The following CNKSR2 variants were observed in gnomAD, a reference collection of about 807,000 sequenced individuals.
CNKSR2 encodes the protein connector enhancer of kinase suppressor of Ras 2.
Under a neutral mutation model 84.4 loss-of-function variants are expected in CNKSR2, and 14 were observed. The ratio of observed to expected loss-of-function variants is 0.17; its 90% CI spans 0.11 to 0.26. The LOEUF is 0.26. Among genes scored for constraint, CNKSR2 ranks in the 10% least tolerant of loss-of-function variants. CNKSR2 has a pLI of 1.00. For missense variants in CNKSR2, 485 were observed against 771.2 expected, an observed-to-expected ratio of 0.63 and a Z score of 4.40; for synonymous variants, 275 against 277.9, an observed-to-expected ratio of 0.99 and a Z score of 0.10.
chrX:21,528,802 A>G (rs1402285437), intron 10 of CNKSR2, among the ~76,000 whole-genome samples: 2 of 110,939 alleles, frequency 1.8e-5, no homozygotes, highest in Non-Finnish European at 1.9e-5. Flanking sequence ...TTTGAGTCAA[A>G]TTATTACTTA....
At chrX:21,505,041 A>G (rs887887724) in intron 8 of CNKSR2, 6 of 258,593 alleles carry the variant, frequency 2.3e-5, no homozygotes, top group Admixed American at 6.6e-5. Flanking sequence ...TGCCCTCATG[A>G]TGCACTTTTA....
chrX:21,446,904 T>C (rs937083072), intron 4 of CNKSR2, among the ~76,000 whole-genome samples: 1 of 111,568 alleles, frequency 9.0e-6, no homozygotes, highest in South Asian at 3.7e-4. Flanking sequence ...AGAATAATAA[T>C]AAATACTCAT....
chrX:21,568,851 G>A (rs190650951), intron 13 of CNKSR2, among the ~76,000 whole-genome samples: 37 of 111,086 alleles, frequency 3.3e-4, no homozygotes, highest in Admixed American at 3.3e-3. Flanking sequence ...TTGCACTCTG[G>A]CTCTTAGCAT....
intron 18 of CNKSR2, among the ~76,000 whole-genome samples, chrX:21,602,224 A>G (rs2092487047): frequency 9.0e-6 from 1 of 111,278 alleles, no homozygotes; most frequent in Admixed American, 9.6e-5. Context: ...GACTCACTGC[A>G]GCCTCGACCT....
At chrX:21,401,479 C>T (rs1036093246) in intron 1 of CNKSR2, among the ~76,000 whole-genome samples, 18 of 111,482 alleles carry the variant, frequency 1.6e-4, no homozygotes, top group Non-Finnish European at 3.0e-4. Context: ...CTTCTGGGTT[C>T]GTGGCACATC....
At chrX:21,490,368 T>G in intron 5 of CNKSR2, 91 bp from the exon 6 acceptor site, 1 of 917,431 alleles carries the variant, frequency 1.1e-6, no homozygotes, top group Non-Finnish European at 1.5e-6. Flanking sequence ...TACTGTTTAT[T>G]TTTCCTTATG....
chrX:21,376,842 C>T (rs1360032485), intron 1 of CNKSR2, among the ~76,000 whole-genome samples: 1 of 111,747 alleles, frequency 8.9e-6, no homozygotes, highest in Non-Finnish European at 1.9e-5. Flanking sequence ...GTCTCCACCT[C>T]CCACCCTCCC....
chrX:21,482,630 T>C (rs183937503), intron 5 of CNKSR2, among the ~76,000 whole-genome samples: 1 of 112,184 alleles, frequency 8.9e-6, no homozygotes, highest in African/African-American at 3.2e-5. Flanking sequence ...CATAATAGGC[T>C]GTTAGGGGTC....
At chrX:21,626,315 G>C (rs2092623679) in intron 20 of CNKSR2, among the ~76,000 whole-genome samples, 1 of 107,812 alleles carries the variant, frequency 9.3e-6, no homozygotes, top group Admixed American at 1.0e-4. Context: ...ATAATTTAGA[G>C]AAATATGGTA....
At position 21,469,547 on chromosome X, in the gene CNKSR2, G is replaced by GT. The variant is rs200468535; in HGVS notation, c.520-1209dup. 7.5e-3 allele frequency among the ~76,000 whole-genome samples: 748 copies of GT among 99,454 alleles called. 4 individuals are homozygous for GT. Among genetic ancestry groups the GT allele is most frequent in the East Asian group, 0.029 (93 of 3,249 alleles). The allele number at this position is 99,454 out of a possible 115,157, so 86.4% of individuals were successfully genotyped here. On this transcript the variant is annotated intron_variant, in intron 4 of 21. Transcript: ENST00000379510. ...TATTCAGTACTGTGGAAATGGGTTT[G>GT]TTTTTTTTTTCAAAATTATCCAAAT...
At chrX:21,437,030 A>G (rs766006109) in intron 3 of CNKSR2, among the ~76,000 whole-genome samples, 92 of 112,076 alleles carry the variant, frequency 8.2e-4, no homozygotes, top group Non-Finnish European at 1.6e-3. Context: ...GTATGTGTTT[A>G]GATTTTTCTT....
intron 4 of CNKSR2, among the ~76,000 whole-genome samples, chrX:21,458,235 A>T (rs1194769811): frequency 1.8e-5 from 2 of 112,753 alleles, no homozygotes; most frequent in Admixed American, 1.9e-4. Context: ...AGTAAATTCG[A>T]TTCCTCATTT....
chrX:21,575,267 T>A (rs1384956692), intron 13 of CNKSR2, among the ~76,000 whole-genome samples: 1 of 111,358 alleles, frequency 9.0e-6, no homozygotes, highest in Non-Finnish European at 1.9e-5. Context: ...CACTTGTACT[T>A]CCTCACTTAT....
chrX:21,481,325 T>C (rs2091317345), intron 5 of CNKSR2, among the ~76,000 whole-genome samples: 1 of 112,004 alleles, frequency 8.9e-6, no homozygotes. Flanking sequence ...CTGAGGCTTT[T>C]AATCACTATA....
chrX:21,632,144 T>C (rs1413339135), intron 20 of CNKSR2, among the ~76,000 whole-genome samples: 1 of 111,782 alleles, frequency 8.9e-6, no homozygotes, highest in Non-Finnish European at 1.9e-5. Context: ...AACCCACCCT[T>C]CTTAGCAGGT....
Position 21,595,377 on chromosome X carries a change from A to G in CNKSR2, c.1958A>G (p.His653Arg), listed in dbSNP as rs759560853. ...AAAAGCTTTTATTTTGCTGCTGAAC[A>G]TCTTGATGATATGAACAGGTAAAGT... is the stretch of plus-strand genomic sequence containing the variant. ...KIKSFYFAAE[H>R]LDDMNRWLNR... Residue 653 changes from histidine to arginine, a missense_variant, in exon 17 of 22, where the codon CAT becomes CGT. By Grantham distance (29) the His-to-Arg change is conservative. Around this residue, in one of 5 missense-constraint regions of CNKSR2, gnomAD observed 210 missense variants for 291.5 expected, o/e 0.72. Transcript: ENST00000379510. 3.4e-6 allele frequency: 4 copies of G among 1,175,759 alleles called. No individual in the cohort carries two copies. The highest frequency in any genetic ancestry group is 6.0e-5 in the East Asian group (2 of 33,487).
chrX:21,419,902 T>C (rs1168791744), intron 1 of CNKSR2, among the ~76,000 whole-genome samples: 1 of 112,154 alleles, frequency 8.9e-6, no homozygotes, highest in East Asian at 2.8e-4. Context: ...CCCTGGCTAC[T>C]GCTTATGTTC....
intron 4 of CNKSR2, among the ~76,000 whole-genome samples, chrX:21,464,140 G>C (rs964534108): frequency 5.3e-5 from 6 of 112,437 alleles, no homozygotes; most frequent in Non-Finnish European, 1.1e-4. Context: ...AGATGGCTGG[G>C]ATTGGTGATT....
At chrX:21,622,620 G>A (rs750224454) in intron 20 of CNKSR2, among the ~76,000 whole-genome samples, 16 of 111,714 alleles carry the variant, frequency 1.4e-4, no homozygotes, top group African/African-American at 5.2e-4. Flanking sequence ...ATTACATAAT[G>A]TGTTTCTTTT....
Sources: allele counts gnomAD v4.1 joint callset (sites outside exome capture counted in the v4.1 genomes callset), GRCh38; gene constraint gnomAD v4.1.1; regional missense constraint gnomAD v4.1.1; transcripts MANE v1.5; gene names NCBI Gene and HGNC (gene_info 2026-07-23, HGNC 2026-07-21).